DYNC1H1: variants seen among roughly 807,000 people sequenced by gnomAD.
DYNC1H1 encodes the protein cytoplasmic dynein 1 heavy chain 1.
DYNC1H1 carries 51 observed loss-of-function variants against 527.1 expected under a neutral mutation model. The ratio of observed to expected loss-of-function variants is 0.10; its 90% CI spans 0.08 to 0.12. The LOEUF (loss-of-function observed/expected upper bound fraction) is 0.12, where lower values mean the gene tolerates loss of function less well. DYNC1H1 is among the 10% of genes least tolerant of loss of function. The pLI, the probability that DYNC1H1 is intolerant of heterozygous loss-of-function variation, is 1.00. For synonymous variants in DYNC1H1, 2,189 were observed against 2,278.8 expected, an observed-to-expected ratio of 0.96 and a Z score of 1.12; for missense variants, 2,771 against 5,971.8, an observed-to-expected ratio of 0.46 and a Z score of 17.66.
chr14:101,979,694 G>A lies in DYNC1H1; in HGVS notation c.519-25G>A. ...TTTGGAGACCAATAGCACACTAAAT[G>A]TTGAGGTATGAAATCTGTTTTTAGG... On this transcript the variant is annotated intron_variant, in intron 3 of 77. Coordinates refer to ENST00000360184, the MANE Select transcript of DYNC1H1 (RefSeq NM_001376.5). The surrounding 1 kb of genome is among the most constrained non-coding windows in gnomAD (Gnocchi z 4.6). 1 of 1,613,534 alleles carries A rather than the reference G, an allele frequency of 6.2e-7. No individual in the cohort carries two copies. Among genetic ancestry groups the A allele is most frequent in the Non-Finnish European group, 8.5e-7 (1 of 1,180,028 alleles).
At chr14:101,989,051 C>T (rs1188075432) in intron 10 of DYNC1H1, among the ~76,000 whole-genome samples, 199 bp downstream of exon 10, 2 of 152,170 alleles carry the variant, frequency 1.3e-5, no homozygotes, top group Non-Finnish European at 2.9e-5. Flanking sequence ...GGGCAGGTCA[C>T]CTCTGCGCTC....
chr14:101,997,768 G>A lies in DYNC1H1; in HGVS notation c.3804+494G>A, dbSNP rs575439448. Among the ~76,000 whole-genome samples the A allele has an allele frequency of 2.6e-5, 4 of 152,178 alleles. No individual in the cohort carries two copies. Among genetic ancestry groups the A allele is most frequent in the Non-Finnish European group, 4.4e-5 (3 of 68,032 alleles). ...TGCATTGAAGTATTTATTGAGCACC[G>A]ACTGTGTTCCAGGCCTTGTTCTAGG... On this transcript the variant is annotated intron_variant, in intron 16 of 77. Transcript: ENST00000360184. The surrounding 1 kb of genome is among the most constrained non-coding windows in gnomAD (Gnocchi z 4.8).
chr14:101,996,234 A>G (rs1385175054), intron 15 of DYNC1H1, among the ~76,000 whole-genome samples: 1 of 147,460 alleles, frequency 6.8e-6, no homozygotes, highest in African/African-American at 2.5e-5. Flanking sequence ...GGTTCAAGCG[A>G]TTCTCCTGCC....
rs1174467151 is a variant in DYNC1H1 at position 102,020,822 on chromosome 14, T to C, written c.8507+766T>C. On this transcript the variant is annotated intron_variant, in intron 42 of 77. Transcript: ENST00000360184. This position sits in a 1 kb window ranked among gnomAD's most constrained non-coding sequence, Gnocchi z 4.3. ...CTCTGGACCAGGTGTCATCCTGCAG[T>C]TTTTCCTGTCATTACTGTACAAGGA... is the stretch of plus-strand genomic sequence containing the variant. Among the ~76,000 whole-genome samples, 1 of 152,084 alleles carries C rather than the reference T, an allele frequency of 6.6e-6. No homozygotes were observed. Among genetic ancestry groups the C allele is most frequent in the African/African-American group, 2.4e-5 (1 of 41,398 alleles).
intron 48 of DYNC1H1, chr14:102,028,569 TG>T (rs2048476470): frequency 3.9e-6 from 1 of 258,982 alleles, no homozygotes; most frequent in Non-Finnish European, 7.6e-6. Flanking sequence ...TACTGTTATT[TG>T]TAAAGGAAAT....
Position 102,042,460 on chromosome 14 carries a change from C to T in DYNC1H1, c.12352C>T (p.Pro4118Ser), listed in dbSNP as rs970531550. ...GGAGAAGAAGTTGCATTCCCTGCAGCCGCATGCCTGCTTCCGACTCTTCCT... is the reference window on the plus strand; with the variant it reads ...GGAGAAGAAGTTGCATTCCCTGCAGTCGCATGCCTGCTTCCGACTCTTCCT... ...QLEKKLHSLQ[P>S]HACFRLFLTM... Residue 4118 changes from proline to serine, a missense_variant, in exon 68 of 78, where the codon CCG becomes TCG. Physicochemically the swap from Pro to Ser is moderately conservative, Grantham distance 74. Transcript: ENST00000360184. This position sits in a 1 kb window ranked among gnomAD's most constrained non-coding sequence, Gnocchi z 5.7. 1.2e-6 allele frequency: 2 copies of T among 1,614,136 alleles called. No individual in the cohort carries two copies. Among genetic ancestry groups the T allele is most frequent in the Non-Finnish European group, 1.7e-6 (2 of 1,180,034 alleles).
rs2152588989 is a variant in DYNC1H1, at chr14:102,027,320, C to T, written c.8886+32C>T. The T allele has an allele frequency of 6.2e-7, 1 of 1,614,034 alleles. No individual in the cohort carries two copies. The highest frequency in any genetic ancestry group is 2.2e-5 in the East Asian group (1 of 44,866). On this transcript the variant is annotated intron_variant, in intron 45 of 77. Coordinates refer to ENST00000360184, the MANE Select transcript of DYNC1H1 (RefSeq NM_001376.5). The surrounding 1 kb of genome is among the most constrained non-coding windows in gnomAD (Gnocchi z 7.7). ...CTGGTCGGTGGCCTCTTAATCCCAG[C>T]AACAGATGTGTGTGCAGAGCTCAGT...
intron 7 of DYNC1H1, among the ~76,000 whole-genome samples, chr14:101,984,461 T>TA (rs2047909305): frequency 7.7e-6 from 1 of 129,462 alleles, no homozygotes; most frequent in African/African-American, 3.0e-5. Flanking sequence ...TTTTTTTTTT[T>TA]TTTTTTTTTT....
chr14:102,027,959 G>C lies in DYNC1H1; in HGVS notation c.9286G>C (p.Asp3096His). 1 of 1,614,164 alleles carries C rather than the reference G, an allele frequency of 6.2e-7. No individual in the cohort carries two copies. The highest frequency in any genetic ancestry group is 2.2e-5 in the East Asian group (1 of 44,886). The change falls in exon 48 of 78, where the codon GAC becomes CAC. Residue 3096 changes from aspartate (D) to histidine (H), a missense_variant. By Grantham distance (81) the Asp-to-His change is moderately conservative. This residue lies in a region of DYNC1H1 where 84 missense variants were observed against 285.4 expected (regional missense o/e 0.29). Transcript: ENST00000360184. The surrounding 1 kb of genome is among the most constrained non-coding windows in gnomAD (Gnocchi z 7.7). ...CAGGTGTGTGTTGAATTGGTTTGGA[G>C]ACTGGTCCACCGAAGCACTGTATCA... Reference protein sequence around the residue: ...FNRCVLNWFGDWSTEALYQVG... With the variant: ...FNRCVLNWFGHWSTEALYQVG...
In DYNC1H1 at chr14:102,055,403, C is replaced by G. The variant is rs1045361548; in HGVS notation, c.*4840C>G. 1 of 152,234 alleles carries G rather than the reference C, an allele frequency of 6.6e-6. No individual in the cohort carries two copies. Among genetic ancestry groups the G allele is most frequent in the South Asian group, 2.1e-4 (1 of 4,812 alleles). 9.4% of individuals were successfully genotyped at this position (152,234 alleles called of 1,614,324 possible). On this transcript the variant is annotated 3_prime_UTR_variant, in exon 78 of 78. Coordinates refer to ENST00000360184, the MANE Select transcript of DYNC1H1 (RefSeq NM_001376.5). ...CACGGGTGGGGCGATGAGACAGGATCGGCCGGTCCTTGACAGTCTCTGAAG... is the reference window on the plus strand; with the variant it reads ...CACGGGTGGGGCGATGAGACAGGATGGGCCGGTCCTTGACAGTCTCTGAAG...
In DYNC1H1 at chr14:102,005,137, G is replaced by A; in HGVS notation, c.5334G>A (p.Leu1778=). The part of the protein sequence containing the change: ...SMGGGGDAAP[L]HSVLSNVEVT... ...GCGGAGGTGGAGATGCCGCGCCCTT[G>A]CACTCTGTGCTGAGCAATGTGGAGG... Residue 1778 remains leucine (L), a synonymous_variant, in exon 26 of 78, where the codon TTG becomes TTA. Coordinates refer to ENST00000360184, the MANE Select transcript of DYNC1H1 (RefSeq NM_001376.5). The surrounding 1 kb of genome is among the most constrained non-coding windows in gnomAD (Gnocchi z 4.0). The A allele has an allele frequency of 6.2e-7, 1 of 1,614,190 alleles. No individual in the cohort carries two copies. Among genetic ancestry groups the A allele is most frequent in the Non-Finnish European group, 8.5e-7 (1 of 1,180,024 alleles).
chr14:102,048,294 G>C (rs1394646954), intron 73 of DYNC1H1: 1 of 722,352 alleles, frequency 1.4e-6, no homozygotes, highest in Non-Finnish European at 2.3e-6. Flanking sequence ...TCCCTAGAGA[G>C]CCCCGAGAGC....
At chr14:101,995,599 A>T in intron 15 of DYNC1H1, among the ~76,000 whole-genome samples, 1 of 150,138 alleles carries the variant, frequency 6.7e-6, no homozygotes, top group South Asian at 2.1e-4. Context: ...CAACAGAGTG[A>T]GACTCCGTCT....
In DYNC1H1 at chr14:102,043,976, T is replaced by C; in HGVS notation, c.12615T>C (p.Tyr4205=). ...RYAPLGWSKK[Y]EFGESDLRSA... is the part of the protein sequence containing the mutation. ...CACCACTGGGGTGGTCAAAGAAGTATGAATTTGGAGAGTCTGACCTGCGGT... is the reference window on the plus strand; with the variant it reads ...CACCACTGGGGTGGTCAAAGAAGTACGAATTTGGAGAGTCTGACCTGCGGT... The change falls in exon 70 of 78, where the codon TAT becomes TAC. Residue 4205 remains tyrosine, a synonymous_variant. Transcript: ENST00000360184. 1.2e-6 allele frequency: 2 copies of C among 1,614,136 alleles called. No individual in the cohort carries two copies. The highest frequency in any genetic ancestry group is 8.5e-7 in the Non-Finnish European group (1 of 1,180,026).
Position 102,028,069 on chromosome 14 carries a change from G to A in DYNC1H1, c.9396G>A (p.Lys3132=). ...VPDYMPVVYD[K]LPQPPSHREA... ...ATTACATGCCAGTTGTGTATGATAAGCTGCCGCAGCCACCATCCCATCGGG... is the reference window on the plus strand; with the variant it reads ...ATTACATGCCAGTTGTGTATGATAAACTGCCGCAGCCACCATCCCATCGGG... The change falls in exon 48 of 78, where the codon AAG becomes AAA. Residue 3132 remains lysine (K), a synonymous_variant. Coordinates refer to ENST00000360184, the MANE Select transcript of DYNC1H1 (RefSeq NM_001376.5). 6.2e-7 allele frequency: 1 copy of A among 1,614,198 alleles called. No homozygotes were observed. Among genetic ancestry groups the A allele is most frequent in the Non-Finnish European group, 8.5e-7 (1 of 1,180,042 alleles).
In DYNC1H1 at chr14:102,008,320, A is replaced by C; in HGVS notation, c.5960A>C (p.Asn1987Thr). The part of the protein sequence containing the change: ...CIQEALREHS[N>T]PNYDKTSAPI... ...CAGGAAGCACTGCGTGAACATTCCA[A>C]CCCCAACTACGACAAGAGTAAGACA... The change falls in exon 29 of 78, where the codon AAC becomes ACC. Residue 1987 changes from asparagine to threonine, a missense_variant. Coordinates refer to ENST00000360184, the MANE Select transcript of DYNC1H1 (RefSeq NM_001376.5). The C allele has an allele frequency of 1.2e-6, 2 of 1,614,172 alleles. No individual in the cohort carries two copies. The highest frequency in any genetic ancestry group is 1.7e-6 in the Non-Finnish European group (2 of 1,180,036).
rs748100686 is a variant in DYNC1H1, at chr14:102,002,515, C to G, written c.4543-22C>G. 5.9e-5 allele frequency: 96 copies of G among 1,613,658 alleles called. No individual in the cohort carries two copies. Among genetic ancestry groups the G allele is most frequent in the Non-Finnish European group, 1.9e-5 (23 of 1,179,864 alleles). On this transcript the variant is annotated intron_variant, in intron 21 of 77. Coordinates refer to ENST00000360184, the MANE Select transcript of DYNC1H1 (RefSeq NM_001376.5). This position sits in a 1 kb window ranked among gnomAD's most constrained non-coding sequence, Gnocchi z 4.4. ...GAGTAGAAGGGTCAGCAGTTTACCT[C>G]TCCCTCCTGTCTGCCCACCAGGTTT...
In DYNC1H1 at chr14:102,027,136, A is replaced by G. The variant is rs1001946964; in HGVS notation, c.8772-38A>G. 4.4e-6 allele frequency: 7 copies of G among 1,597,850 alleles called. No individual in the cohort carries two copies. The highest frequency in any genetic ancestry group is 1.7e-5 in the Admixed American group (1 of 59,982). ...TGAGTCAAAAGGGGAATGAGGCATT[A>G]TAAGCCTTAACATTGATCAGTTCTC... On this transcript the variant is annotated intron_variant, in intron 44 of 77. Transcript: ENST00000360184. The surrounding 1 kb of genome is among the most constrained non-coding windows in gnomAD (Gnocchi z 7.7).
chr14:101,968,753 G>T (rs994049993), intron 1 of DYNC1H1, among the ~76,000 whole-genome samples: 18 of 151,936 alleles, frequency 1.2e-4, no homozygotes, highest in African/African-American at 4.4e-4. Flanking sequence ...GTAGAGGCAG[G>T]GTCTCCCCAT....
Sources: allele counts gnomAD v4.1 joint callset (sites outside exome capture counted in the v4.1 genomes callset), GRCh38; gene constraint gnomAD v4.1.1; regional missense constraint gnomAD v4.1.1; non-coding constraint Gnocchi (gnomAD v3.1); transcripts MANE v1.5; gene names NCBI Gene and HGNC (gene_info 2026-07-23, HGNC 2026-07-21).